The following SGCZ variants were observed in gnomAD, a reference collection of about 807,000 sequenced individuals.
The protein encoded by SGCZ is sarcoglycan zeta, also known as zeta-sarcoglycan.
A neutral mutation model predicts 41.3 loss-of-function variants in SGCZ; 40 were observed. The observed-to-expected ratio is 0.97, with a 90% CI of 0.75 to 1.26. The LOEUF (loss-of-function observed/expected upper bound fraction) is 1.26. SGCZ is among the 50% of genes most tolerant of loss of function. SGCZ has a pLI of 0.00. For synonymous variants in SGCZ, 206 were observed against 137.5 expected (o/e 1.50, Z -3.49); for missense variants, 552 against 369.8 (o/e 1.49, Z -4.04).
intron 1 of SGCZ, among the ~76,000 whole-genome samples, chr8:14,732,992 G>A (rs541972823): frequency 1.3e-5 from 2 of 152,108 alleles, no homozygotes; most frequent in South Asian, 2.1e-4. Context: ...TATTAACCTC[G>A]TGTTTCTGAT....
intron 5 of SGCZ, among the ~76,000 whole-genome samples, chr8:14,161,969 T>G (rs954288643): frequency 3.3e-5 from 5 of 151,662 alleles, no homozygotes; most frequent in Non-Finnish European, 7.4e-5. Flanking sequence ...GAGAGAAAGA[T>G]AAAGGGAGAG....
At chr8:14,589,569 T>G (rs1036770890) in intron 1 of SGCZ, among the ~76,000 whole-genome samples, 1 of 152,148 alleles carries the variant, frequency 6.6e-6, no homozygotes, top group African/African-American at 2.4e-5. Context: ...TTACTTGATC[T>G]CTTTAAACTT....
chr8:14,487,895 G>C, intron 2 of SGCZ: 1 of 152,190 alleles, frequency 6.6e-6, no homozygotes, highest in South Asian at 2.1e-4. Context: ...AAGGACTGGC[G>C]TTTCTACTCT....
At chr8:14,328,714 T>C (rs1802210304) in intron 2 of SGCZ, among the ~76,000 whole-genome samples, 1 of 152,234 alleles carries the variant, frequency 6.6e-6, no homozygotes, top group African/African-American at 2.4e-5. Flanking sequence ...TCATCATTGC[T>C]ATGGTTCAAA....
At chr8:15,099,442 T>G in intron 1 of SGCZ, among the ~76,000 whole-genome samples, 1 of 152,222 alleles carries the variant, frequency 6.6e-6, no homozygotes, top group Admixed American at 6.5e-5. Context: ...AATACATCCT[T>G]TGAATAAAGA....
chr8:14,712,538 T>G (rs182673949), intron 1 of SGCZ, among the ~76,000 whole-genome samples: 56 of 152,246 alleles, frequency 3.7e-4, no homozygotes, highest in African/African-American at 1.3e-3. Context: ...GGAAAAATAT[T>G]AGCAAAGTAA....
At chr8:14,885,409 G>C (rs1290502376) in intron 1 of SGCZ, among the ~76,000 whole-genome samples, 2 of 152,094 alleles carry the variant, frequency 1.3e-5, no homozygotes, top group African/African-American at 4.8e-5. Flanking sequence ...TGTGAATTTT[G>C]AGTATGATAC....
chr8:14,770,442 G>A (rs1800195845), intron 1 of SGCZ, among the ~76,000 whole-genome samples: 1 of 151,614 alleles, frequency 6.6e-6, no homozygotes, highest in South Asian at 2.1e-4. Flanking sequence ...GGGGGTGGGG[G>A]TAAGGAGAGG....
intron 1 of SGCZ, among the ~76,000 whole-genome samples, chr8:15,103,392 C>T (rs1376058672): frequency 8.0e-6 from 1 of 125,190 alleles, no homozygotes; most frequent in East Asian, 2.7e-4. Flanking sequence ...CCAAGTGAGA[C>T]CCTGTCTCTA....
chr8:14,750,866 C>A (rs560982569), intron 1 of SGCZ, among the ~76,000 whole-genome samples: 2 of 152,134 alleles, frequency 1.3e-5, no homozygotes, highest in Non-Finnish European at 2.9e-5. Flanking sequence ...ACTGAATTCT[C>A]CTTTTATCTT....
At chr8:15,228,501 T>C (rs931129717) in intron 1 of SGCZ, among the ~76,000 whole-genome samples, 1 of 152,196 alleles carries the variant, frequency 6.6e-6, no homozygotes, top group Non-Finnish European at 1.5e-5. Context: ...ATGAAAACAT[T>C]GATTTTTATA....
At chr8:14,675,726 C>G (rs1205837893) in intron 1 of SGCZ, among the ~76,000 whole-genome samples, 1 of 152,064 alleles carries the variant, frequency 6.6e-6, no homozygotes, top group Non-Finnish European at 1.5e-5. Flanking sequence ...CTGGAACTCC[C>G]AACAAAATAT....
chr8:15,045,360 G>C (rs746496584), intron 1 of SGCZ, among the ~76,000 whole-genome samples: 2 of 151,984 alleles, frequency 1.3e-5, no homozygotes, highest in African/African-American at 2.4e-5. Context: ...TTATCCAGTG[G>C]TAAAGCAATT....
At chr8:15,053,196 A>G (rs900295024) in intron 1 of SGCZ, among the ~76,000 whole-genome samples, 1 of 152,128 alleles carries the variant, frequency 6.6e-6, no homozygotes, top group Non-Finnish European at 1.5e-5. Flanking sequence ...CCATCCAAAC[A>G]CTAATACCAC....
chr8:14,203,497 T>C (rs1805522142), intron 4 of SGCZ, among the ~76,000 whole-genome samples: 1 of 152,212 alleles, frequency 6.6e-6, no homozygotes, highest in Non-Finnish European at 1.5e-5. Context: ...CTCATATGTA[T>C]TTAAATTTTT....
At chr8:14,473,458 A>G (rs2064158549) in intron 2 of SGCZ, among the ~76,000 whole-genome samples, 1 of 152,226 alleles carries the variant, frequency 6.6e-6, no homozygotes, top group African/African-American at 2.4e-5. Context: ...ATATTAGGCA[A>G]GAAAGTATAC....
rs568660449 is a variant in SGCZ, at chr8:14,734,604, C to CA, written c.40-179679dup. On this transcript the variant is annotated intron_variant, in intron 1 of 7. Coordinates refer to ENST00000382080, the MANE Select transcript of SGCZ (RefSeq NM_139167.4). ...GAATATTGAAGGAATATTGAGGAAA[C>CA]AATAATCACTTCTCTTTATACTAAT... Among the ~76,000 whole-genome samples the CA allele has an allele frequency of 3.0e-3, 457 of 152,184 alleles. 2 individuals carry two copies. Among genetic ancestry groups the CA allele is most frequent in the African/African-American group, 0.01 (434 of 41,534 alleles).
intron 1 of SGCZ, among the ~76,000 whole-genome samples, chr8:14,637,663 T>C (rs187482775): frequency 7.9e-5 from 12 of 152,046 alleles, no homozygotes; most frequent in Non-Finnish European, 1.8e-4. Context: ...CGTTCTTTTT[T>C]ATGGCTGCAT....
chr8:14,741,722 G>C (rs1042103936), intron 1 of SGCZ, among the ~76,000 whole-genome samples: 2 of 151,956 alleles, frequency 1.3e-5, no homozygotes, highest in African/African-American at 4.8e-5. Flanking sequence ...TTTTCCAAAA[G>C]TATGTCTGAA....
Sources: gnomAD v4.1 joint callset for allele counts (sites outside exome capture counted in the v4.1 genomes callset) on GRCh38, gnomAD v4.1.1 for gene constraint, MANE v1.5 for transcripts, NCBI Gene and HGNC (gene_info 2026-07-23, HGNC 2026-07-21) for gene names.